DPP6: variants seen among roughly 807,000 people sequenced by gnomAD.
DPP6 encodes the protein dipeptidyl peptidase like 6, also known as A-type potassium channel modulatory protein DPP6.
DPP6 carries 69 observed loss-of-function variants against 122.6 expected under a neutral mutation model. The observed-to-expected ratio is 0.56, with a 90% CI of 0.46 to 0.69. The LOEUF (loss-of-function observed/expected upper bound fraction) is 0.69. Ranked by LOEUF, DPP6 falls within the 30% of genes least tolerant of loss-of-function variation. DPP6 has a pLI of 0.00. For missense variants in DPP6, 928 were observed against 1,116.9 expected (o/e 0.83, Z 2.41); for synonymous variants, 418 against 433.1 (o/e 0.97, Z 0.43).
At chr7:154,648,825 A>G (rs1000829704) in intron 6 of DPP6, among the ~76,000 whole-genome samples, 1 of 152,012 alleles carries the variant, frequency 6.6e-6, no homozygotes, top group African/African-American at 2.4e-5. Context: ...AGGCTGAGGC[A>G]GGAGAATCAT....
At chr7:153,866,218 G>C in the DPP6 span, among the ~76,000 whole-genome samples, 439 of 152,242 alleles carry the variant, frequency 2.9e-3, 4 homozygotes, top group African/African-American at 9.8e-3. Flanking sequence ...GATCCCCGAG[G>C]AATCGCCACA....
chr7:153,899,746 C>T (rs984619458), intron 1 of DPP6, among the ~76,000 whole-genome samples: 8 of 152,294 alleles, frequency 5.3e-5, no homozygotes, highest in East Asian at 3.9e-4. Context: ...AAATTGTCAG[C>T]GCCCACTGAC....
At chr7:154,482,040 AGCATGTGATTTCACAT>A (rs1823352171) in intron 3 of DPP6, among the ~76,000 whole-genome samples, 1 of 152,232 alleles carries the variant, frequency 6.6e-6, no homozygotes, top group African/African-American at 2.4e-5. Context: ...GAAACTTACA[AGCATGTGATTTCACAT>A]AGAATGGTGG....
intron 7 of DPP6, among the ~76,000 whole-genome samples, chr7:154,686,347 C>T (rs771189976): frequency 2.6e-5 from 4 of 151,848 alleles, no homozygotes; most frequent in Non-Finnish European, 5.9e-5. Context: ...CTCTTAAATG[C>T]ACTGTAAATA....
chr7:154,814,211 C>G (rs1170303781), intron 16 of DPP6, among the ~76,000 whole-genome samples: 1 of 152,118 alleles, frequency 6.6e-6, no homozygotes, highest in Non-Finnish European at 1.5e-5. Flanking sequence ...TACATTATAA[C>G]AGTTGATGAC....
chr7:154,694,127 G>A (rs945314794), intron 7 of DPP6, among the ~76,000 whole-genome samples: 2 of 152,110 alleles, frequency 1.3e-5, no homozygotes, highest in East Asian at 1.9e-4. Context: ...CTGTGTCCTC[G>A]CTTGGTGGAA....
At chr7:153,987,624 A>T (rs559411461) in intron 1 of DPP6, among the ~76,000 whole-genome samples, 1 of 152,064 alleles carries the variant, frequency 6.6e-6, no homozygotes, top group African/African-American at 2.4e-5. Flanking sequence ...GGGGAAATTG[A>T]CGTAGGAGCA....
At chr7:154,186,632 C>T (rs1372244831) in intron 1 of DPP6, among the ~76,000 whole-genome samples, 3 of 152,232 alleles carry the variant, frequency 2.0e-5, no homozygotes, top group African/African-American at 7.2e-5. Context: ...CAGAGGAGGA[C>T]TCCGGTGGAT....
chr7:153,954,913 C>T (rs983164453), intron 1 of DPP6, among the ~76,000 whole-genome samples: 6 of 103,438 alleles, frequency 5.8e-5, no homozygotes, highest in African/African-American at 1.8e-4. Context: ...AATGCTGATT[C>T]GTGCATAAAC....
At chr7:154,663,957 G>A (rs375290842) in intron 6 of DPP6, among the ~76,000 whole-genome samples, 3 of 96,798 alleles carry the variant, frequency 3.1e-5, no homozygotes, top group Non-Finnish European at 7.4e-5. Context: ...TCACCATGGC[G>A]TATTGGCGCT....
chr7:153,894,765 G>A (rs1254582613), intron 1 of DPP6, among the ~76,000 whole-genome samples: 1 of 152,154 alleles, frequency 6.6e-6, no homozygotes, highest in Non-Finnish European at 1.5e-5. Context: ...GCACTCATAT[G>A]TTTAATAGTG....
intron 16 of DPP6, among the ~76,000 whole-genome samples, chr7:154,828,240 C>T (rs957175695): frequency 6.6e-6 from 1 of 152,140 alleles, no homozygotes; most frequent in Non-Finnish European, 1.5e-5. Flanking sequence ...CTCAGGGATT[C>T]CTTCTCAAAT....
intron 1 of DPP6, among the ~76,000 whole-genome samples, chr7:154,334,306 A>G (rs114838502): frequency 0.016 from 2,430 of 152,272 alleles, 68 homozygotes; most frequent in African/African-American, 0.055. Flanking sequence ...TCTAGAATGA[A>G]TGTTTGGAAG....
At chr7:154,157,429 C>T (rs948763569) in intron 1 of DPP6, among the ~76,000 whole-genome samples, 1 of 152,164 alleles carries the variant, frequency 6.6e-6, no homozygotes, top group Non-Finnish European at 1.5e-5. Flanking sequence ...TCTTGTGCTT[C>T]GTGTTTGTTT....
At chr7:154,744,678 T>C (rs1474999200) in intron 8 of DPP6, among the ~76,000 whole-genome samples, 1 of 152,210 alleles carries the variant, frequency 6.6e-6, no homozygotes, top group East Asian at 1.9e-4. Flanking sequence ...AAATATTTAG[T>C]GGCAGGAAAA....
chr7:154,614,340 A>G (rs1245245725), intron 5 of DPP6, among the ~76,000 whole-genome samples: 1 of 152,208 alleles, frequency 6.6e-6, no homozygotes, highest in Non-Finnish European at 1.5e-5. Flanking sequence ...TTATGGAATT[A>G]GCCTAGGTTT....
intron 1 of DPP6, among the ~76,000 whole-genome samples, chr7:154,152,723 A>T (rs532942973): frequency 4.6e-5 from 7 of 152,334 alleles, no homozygotes; most frequent in African/African-American, 1.7e-4. Context: ...CCAGAAACCC[A>T]GGAGCGTGGG....
chr7:154,263,436 G>A (rs565466769), intron 1 of DPP6, among the ~76,000 whole-genome samples: 8 of 152,188 alleles, frequency 5.3e-5, no homozygotes, highest in East Asian at 1.9e-4. Context: ...AGTAATCATC[G>A]CCTCAATGAC....
intron 1 of DPP6, among the ~76,000 whole-genome samples, chr7:153,990,093 C>CCCCACCCTCAGGCAGT (rs1797085904): frequency 8.7e-6 from 1 of 114,716 alleles, no homozygotes; most frequent in Non-Finnish European, 1.9e-5. Flanking sequence ...CCCTTCTAAG[C>CCCCACCCTCAGGCAGT]CCCACCCTCA....
Sources: allele counts gnomAD v4.1 joint callset (sites outside exome capture counted in the v4.1 genomes callset), GRCh38; gene constraint gnomAD v4.1.1; transcripts MANE v1.5; gene names NCBI Gene and HGNC (gene_info 2026-07-23, HGNC 2026-07-21).